Variants in NRG3 observed in about 807,000 individuals in gnomAD.
NRG3 encodes the protein pro-neuregulin-3, membrane-bound isoform.
NRG3 carries 31 observed loss-of-function variants against 66.9 expected under a neutral mutation model. The observed-to-expected ratio is 0.46, with a 90% CI of 0.35 to 0.63. NRG3 has a LOEUF of 0.63. Among genes scored for constraint, NRG3 ranks in the 20% least tolerant of loss-of-function variants. The probability of loss-of-function intolerance (pLI) is 0.00; values close to 1 mark genes in which losing one functional copy is unlikely to be tolerated. For missense variants in NRG3, 910 were observed against 878.9 expected (o/e 1.04, Z -0.45); for synonymous variants, 393 against 359.4 (o/e 1.09, Z -1.06).
intron 1 of NRG3, among the ~76,000 whole-genome samples, chr10:82,358,516 A>AC (rs746499520): frequency 2.6e-5 from 4 of 152,140 alleles, no homozygotes; most frequent in Non-Finnish European, 5.9e-5. Context: ...CTCCAGAGTG[A>AC]CTCCAATAGA....
chr10:82,813,735 A>T (rs192017759), intron 3 of NRG3, among the ~76,000 whole-genome samples: 54 of 152,280 alleles, frequency 3.5e-4, no homozygotes, highest in Non-Finnish European at 6.8e-4. Flanking sequence ...TAACTCCTAG[A>T]TCTGATCACG....
At chr10:82,015,426 T>C (rs1372059600) in intron 1 of NRG3, among the ~76,000 whole-genome samples, 1 of 152,122 alleles carries the variant, frequency 6.6e-6, no homozygotes, top group Non-Finnish European at 1.5e-5. Context: ...ATGATTGGGC[T>C]TTGTGTCCCC....
chr10:82,455,746 C>G (rs1374983259), intron 2 of NRG3, among the ~76,000 whole-genome samples: 1 of 151,812 alleles, frequency 6.6e-6, no homozygotes. Flanking sequence ...TCCCGAGTAG[C>G]TGGGATTACA....
At position 82,368,083 on chromosome 10, in the gene NRG3, A is replaced by G. The variant is rs1447929648; in HGVS notation, c.953+9215A>G. Among the ~76,000 whole-genome samples the G allele has an allele frequency of 3.5e-5, 5 of 140,858 alleles. 1 individual carries two copies. Among genetic ancestry groups the G allele is most frequent in the Admixed American group, 1.3e-4 (2 of 14,928 alleles). 92.4% of individuals were successfully genotyped at this position (140,858 alleles called of 152,430 possible). On this transcript the variant is annotated intron_variant, in intron 2 of 8. Coordinates refer to ENST00000372141, the MANE Select transcript of NRG3 (RefSeq NM_001010848.4). ...GTTTTCTTATCTGTGAAGTGGGAAA[A>G]ACAATATTACTACTTCCCAGGATTA...
intron 1 of NRG3, among the ~76,000 whole-genome samples, chr10:82,336,264 C>G (rs75690610): frequency 0.024 from 3,680 of 151,690 alleles, 151 homozygotes; most frequent in African/African-American, 0.083. Context: ...GTGGAAGGGA[C>G]AGAGAGTGCA....
intron 4 of NRG3, among the ~76,000 whole-genome samples, chr10:82,934,552 C>G (rs7078693): frequency 6.6e-6 from 1 of 151,946 alleles, no homozygotes; most frequent in Non-Finnish European, 1.5e-5. Context: ...AGTCCATCAT[C>G]CTTAGATCCT....
chr10:82,366,317 G>A (rs941858157), intron 2 of NRG3, among the ~76,000 whole-genome samples: 20 of 152,216 alleles, frequency 1.3e-4, no homozygotes, highest in African/African-American at 4.8e-4. Context: ...CAAGAATCCC[G>A]TGAGAGAAAT....
chr10:82,258,562 C>A (rs945527381), intron 1 of NRG3, among the ~76,000 whole-genome samples: 2 of 152,132 alleles, frequency 1.3e-5, no homozygotes, highest in Non-Finnish European at 1.5e-5. Context: ...TGCAGCAGGG[C>A]AAATGGTGGA....
chr10:82,677,697 G>A (rs1405100517), intron 2 of NRG3, among the ~76,000 whole-genome samples: 4 of 152,084 alleles, frequency 2.6e-5, no homozygotes, highest in African/African-American at 9.7e-5. Context: ...TTGACCAAGG[G>A]GGTGTAAGGC....
At chr10:82,867,913 G>A (rs963362692) in intron 4 of NRG3, among the ~76,000 whole-genome samples, 1 of 152,170 alleles carries the variant, frequency 6.6e-6, no homozygotes, top group African/African-American at 2.4e-5. Flanking sequence ...TAGCATGGAG[G>A]TGTGAGCATC....
Position 82,431,126 on chromosome 10 carries a change from T to G in NRG3, c.953+72258T>G, listed in dbSNP as rs1214523493. Reference sequence around the variant, plus strand: ...CACATCAGAAAGCTATGAAAAACAATTGCCTCCAATTGTTTTCAATAAATG... The same window carrying G: ...CACATCAGAAAGCTATGAAAAACAAGTGCCTCCAATTGTTTTCAATAAATG... On this transcript the variant is annotated intron_variant, in intron 2 of 8. Coordinates refer to ENST00000372141, the MANE Select transcript of NRG3 (RefSeq NM_001010848.4). Among the ~76,000 whole-genome samples the G allele has an allele frequency of 2.0e-5, 3 of 152,116 alleles. No individual in the cohort carries two copies. In the East Asian group the frequency reaches 5.8e-4, roughly 29 times the overall value.
At chr10:82,084,986 A>G (rs921228511) in intron 1 of NRG3, among the ~76,000 whole-genome samples, 2 of 152,138 alleles carry the variant, frequency 1.3e-5, no homozygotes, top group African/African-American at 4.8e-5. Flanking sequence ...TTGGGCAACT[A>G]GTCCCCTCAG....
At chr10:82,979,707 C>T (rs529789878) in intron 8 of NRG3, among the ~76,000 whole-genome samples, 1 of 152,252 alleles carries the variant, frequency 6.6e-6, no homozygotes, top group South Asian at 2.1e-4. Flanking sequence ...CTGGTGGACA[C>T]AGATCCATAG....
chr10:82,940,957 A>T (rs1471128412), intron 4 of NRG3, among the ~76,000 whole-genome samples: 1 of 152,184 alleles, frequency 6.6e-6, no homozygotes, highest in Non-Finnish European at 1.5e-5. Context: ...TGGAGTCATT[A>T]CTTCAACATC....
intron 1 of NRG3, among the ~76,000 whole-genome samples, chr10:82,234,464 G>A (rs958512115): frequency 1.3e-5 from 2 of 152,144 alleles, no homozygotes; most frequent in African/African-American, 4.8e-5. Context: ...TGGACGTTAT[G>A]TTCCAGGAGA....
intron 2 of NRG3, among the ~76,000 whole-genome samples, chr10:82,381,156 G>T (rs922146664): frequency 5.9e-5 from 9 of 152,132 alleles, no homozygotes; most frequent in African/African-American, 1.2e-4. Context: ...TGGTGTTTTG[G>T]GGGAAGGAAG....
At chr10:82,060,011 T>C (rs1232038971) in intron 1 of NRG3, among the ~76,000 whole-genome samples, 1 of 152,222 alleles carries the variant, frequency 6.6e-6, no homozygotes, top group Non-Finnish European at 1.5e-5. Flanking sequence ...TCTAAACTTC[T>C]GTTTCCTCCT....
intron 1 of NRG3, among the ~76,000 whole-genome samples, chr10:81,969,027 G>C (rs1036153397): frequency 3.3e-5 from 5 of 152,200 alleles, no homozygotes; most frequent in African/African-American, 1.2e-4. Context: ...TGTGGGTTAA[G>C]AATAGGTCAT....
At chr10:82,336,362 A>G (rs2082385738) in intron 1 of NRG3, among the ~76,000 whole-genome samples, 1 of 151,996 alleles carries the variant, frequency 6.6e-6, no homozygotes, top group East Asian at 1.9e-4. Flanking sequence ...GACAACACAA[A>G]AGGAGGGGAG....
Sources: allele counts gnomAD v4.1 joint callset (sites outside exome capture counted in the v4.1 genomes callset), GRCh38; gene constraint gnomAD v4.1.1; transcripts MANE v1.5; gene names NCBI Gene and HGNC (gene_info 2026-07-23, HGNC 2026-07-21).